Variants in ETNK1 observed in about 807,000 individuals in gnomAD.
ETNK1 encodes the protein ethanolamine kinase 1, also known as putative protein product of Nbla10396.
Under a neutral mutation model 45.1 loss-of-function variants are expected in ETNK1, and 8 were observed. That is an observed-to-expected ratio of 0.18 (90% CI 0.10 to 0.32). The LOEUF (loss-of-function observed/expected upper bound fraction) is 0.32. ETNK1 is among the 10% of genes least tolerant of loss of function. The probability of loss-of-function intolerance (pLI) is 1.00; values close to 1 mark genes in which losing one functional copy is unlikely to be tolerated. For synonymous variants in ETNK1, 152 were observed against 151.9 expected, an observed-to-expected ratio of 1.00 and a Z score of -0.01; for missense variants, 302 against 430.6, an observed-to-expected ratio of 0.70 and a Z score of 2.64.
At chr12:22,644,327 A>G (rs763566804) in intron 2 of ETNK1, 2 of 1,548,372 alleles carry the variant, frequency 1.3e-6, no homozygotes, top group Admixed American at 2.0e-5. Flanking sequence ...TTGAAGTGTT[A>G]TACATTTCTT....
chr12:22,632,295 A>T (rs2137516945), intron 1 of ETNK1, among the ~76,000 whole-genome samples: 1 of 152,056 alleles, frequency 6.6e-6, no homozygotes, highest in Non-Finnish European at 1.5e-5. Flanking sequence ...TCTATTCACA[A>T]CCGTTTTATT....
At chr12:22,631,076 A>T (rs1329600482) in intron 1 of ETNK1, among the ~76,000 whole-genome samples, 1 of 152,168 alleles carries the variant, frequency 6.6e-6, no homozygotes, top group Non-Finnish European at 1.5e-5. Flanking sequence ...TGCCAAATCA[A>T]TATAGTGTCT....
At chr12:22,652,866 GTTGCCTGTGC>G (rs1953895828) in intron 2 of ETNK1, among the ~76,000 whole-genome samples, 1 of 152,030 alleles carries the variant, frequency 6.6e-6, no homozygotes, top group South Asian at 2.1e-4. Context: ...TTTTACTTTT[GTTGCCTGTGC>G]TTTTGGTGTC....
chr12:22,656,198 A>AT (rs1247408268), intron 2 of ETNK1, among the ~76,000 whole-genome samples: 9 of 152,154 alleles, frequency 5.9e-5, no homozygotes, highest in African/African-American at 4.8e-5. Flanking sequence ...CTAAGATTAC[A>AT]TTTTTTTAAT....
chr12:22,641,279 C>G (rs1336087140), intron 1 of ETNK1, among the ~76,000 whole-genome samples: 1 of 152,086 alleles, frequency 6.6e-6, no homozygotes, highest in Non-Finnish European at 1.5e-5. Flanking sequence ...TGGGACAAAT[C>G]TATGACTTAT....
Position 22,625,366 on chromosome 12 carries a change from C to T in ETNK1, c.-65C>T. 1 of 1,545,888 alleles carries T rather than the reference C, an allele frequency of 6.5e-7. No homozygotes were observed. Among genetic ancestry groups the T allele is most frequent in the Non-Finnish European group, 8.7e-7 (1 of 1,149,116 alleles). On this transcript the variant is annotated 5_prime_UTR_variant, in exon 1 of 8. Transcript: ENST00000266517. ...ACGGAAGGATCCACCAGTCTGTCGG[C>T]GCCCGCCGTTCTCGTGGTCGCCGTC... is the stretch of plus-strand genomic sequence containing the variant.
chr12:22,656,857 C>T (rs1467761433), intron 2 of ETNK1: 9 of 929,590 alleles, frequency 9.7e-6, no homozygotes, highest in Non-Finnish European at 1.2e-5. Flanking sequence ...TGTTTCATTT[C>T]AGTAAATATT....
chr12:22,662,054 GCACC>G (rs1565445030), intron 4 of ETNK1, among the ~76,000 whole-genome samples: 1 of 22,782 alleles, frequency 4.4e-5, no homozygotes, highest in African/African-American at 1.2e-4. Context: ...CTAGTTCCCC[GCACC>G]CCCCCCCCCT....
At chr12:22,648,260 G>T (rs1953832129) in intron 2 of ETNK1, among the ~76,000 whole-genome samples, 1 of 151,842 alleles carries the variant, frequency 6.6e-6, no homozygotes, top group Non-Finnish European at 1.5e-5. Context: ...TACACTCTTG[G>T]TGATGTACAT....
intron 4 of ETNK1, among the ~76,000 whole-genome samples, chr12:22,663,721 A>G (rs1954028766): frequency 6.6e-6 from 1 of 152,154 alleles, no homozygotes; most frequent in South Asian, 2.1e-4. Context: ...GAAAAATTTT[A>G]CAGCTGTACA....
At position 22,677,934 on chromosome 12, in the gene ETNK1, T is replaced by G. The variant is rs1439241041; in HGVS notation, c.945+4274T>G. Reference sequence around the variant, plus strand: ...AAAAGCCCTTTATTTATCAAGTCAGTTTTTGTTTCGATTCCTGTTCTTATT... The same window carrying G: ...AAAAGCCCTTTATTTATCAAGTCAGGTTTTGTTTCGATTCCTGTTCTTATT... On this transcript the variant is annotated intron_variant, in intron 6 of 7. Coordinates refer to ENST00000266517, the MANE Select transcript of ETNK1 (RefSeq NM_018638.5). Among the ~76,000 whole-genome samples the G allele has an allele frequency of 6.6e-5, 10 of 152,154 alleles. No homozygotes were observed. The East Asian group carries it at 1.9e-3, about 29-fold the overall frequency.
intron 1 of ETNK1, among the ~76,000 whole-genome samples, chr12:22,634,792 TA>T (rs1306762044): frequency 6.6e-6 from 1 of 152,164 alleles, no homozygotes; most frequent in African/African-American, 2.4e-5. Flanking sequence ...TGAGTTCAAG[TA>T]ATCTGCTCAC....
intron 4 of ETNK1, among the ~76,000 whole-genome samples, chr12:22,670,790 G>A (rs930786459): frequency 6.6e-6 from 1 of 152,142 alleles, no homozygotes; most frequent in Non-Finnish European, 1.5e-5. Flanking sequence ...ATTATTGCAA[G>A]ATTTACAGAA....
intron 4 of ETNK1, among the ~76,000 whole-genome samples, chr12:22,663,674 C>T (rs998825435): frequency 1.3e-5 from 2 of 152,092 alleles, no homozygotes; most frequent in Non-Finnish European, 2.9e-5. Context: ...TGCCAAGTTA[C>T]TTGAATTATA....
intron 4 of ETNK1, among the ~76,000 whole-genome samples, chr12:22,669,817 AAG>A (rs1405752358): frequency 6.9e-5 from 9 of 129,766 alleles, no homozygotes; most frequent in African/African-American, 2.5e-4. Flanking sequence ...AAAAAACAAA[AAG>A]AGAAAAAAAA....
intron 2 of ETNK1, among the ~76,000 whole-genome samples, chr12:22,654,650 C>CAGTCTTT (rs1953917108): frequency 6.6e-6 from 1 of 152,100 alleles, no homozygotes; most frequent in Non-Finnish European, 1.5e-5. Context: ...AAGAATAAGA[C>CAGTCTTT]AGTCTTTGTC....
intron 3 of ETNK1, among the ~76,000 whole-genome samples, chr12:22,660,535 GATT>G (rs1431732106): frequency 6.6e-6 from 1 of 152,084 alleles, no homozygotes; most frequent in African/African-American, 2.4e-5. Context: ...AACATAACTG[GATT>G]ATATAAGGAT....
At chr12:22,647,890 C>T (rs151113643) in intron 2 of ETNK1, among the ~76,000 whole-genome samples, 144 of 151,962 alleles carry the variant, frequency 9.5e-4, no homozygotes, top group African/African-American at 3.0e-3. Context: ...CTTGATGTTA[C>T]TGTAGTAAAA....
intron 6 of ETNK1, among the ~76,000 whole-genome samples, chr12:22,674,361 G>A (rs904428536): frequency 6.6e-6 from 1 of 152,132 alleles, no homozygotes. Context: ...AGTTGACATG[G>A]GAAATATTTG....
Sources: allele counts gnomAD v4.1 joint callset (sites outside exome capture counted in the v4.1 genomes callset), GRCh38; gene constraint gnomAD v4.1.1; transcripts MANE v1.5; gene names NCBI Gene and HGNC (gene_info 2026-07-23, HGNC 2026-07-21).